Variants in PRDM2 observed in about 807,000 individuals in gnomAD.
PRDM2 encodes the protein PR domain zinc finger protein 2.
Under a neutral mutation model 130.0 loss-of-function variants are expected in PRDM2, and 30 were observed. The ratio of observed to expected loss-of-function variants is 0.23; its 90% CI spans 0.17 to 0.31. PRDM2 has a LOEUF of 0.31. PRDM2 is among the 10% of genes least tolerant of loss of function. The pLI, the probability that PRDM2 is intolerant of heterozygous loss-of-function variation, is 1.00. For synonymous variants in PRDM2, 871 were observed against 782.4 expected (o/e 1.11, Z -1.89); for missense variants, 2,011 against 2,108.4 (o/e 0.95, Z 0.90).
Position 13,814,628 on chromosome 1 carries a change from C to T in PRDM2, c.5037-1799C>T, listed in dbSNP as rs370386057. The stretch of plus-strand genomic sequence containing the variant: ...ACCCCTGGCCTTACCTTCCAGATGC[C>T]GGTAGCAGCACCCTTCCCTCAGGTA... On this transcript the variant is annotated intron_variant, in intron 8 of 9. Transcript: ENST00000311066. Among the ~76,000 whole-genome samples the T allele has an allele frequency of 1.2e-3, 178 of 152,302 alleles. 1 individual carries two copies. Among genetic ancestry groups the T allele is most frequent in the African/African-American group, 3.9e-3 (161 of 41,570 alleles).
At chr1:13,817,486 G>A (rs1645276050) in intron 9 of PRDM2, among the ~76,000 whole-genome samples, 1 of 151,906 alleles carries the variant, frequency 6.6e-6, no homozygotes, top group South Asian at 2.1e-4. Flanking sequence ...TGACCCACGA[G>A]CAGGCTTGGC....
intron 2 of PRDM2, among the ~76,000 whole-genome samples, chr1:13,723,961 A>C (rs1642822083): frequency 6.6e-6 from 1 of 152,218 alleles, no homozygotes; most frequent in South Asian, 2.1e-4. Context: ...AACCAAGCCA[A>C]CCAGGAAGGG....
At chr1:13,772,999 A>T in intron 6 of PRDM2, 79 bp from the exon 7 acceptor site, 1 of 806,708 alleles carries the variant, frequency 1.2e-6, no homozygotes, top group Non-Finnish European at 1.9e-6. Context: ...TCAGTAATTC[A>T]GAATAACACA....
At chr1:13,709,503 T>C (rs1642304895) in intron 1 of PRDM2, among the ~76,000 whole-genome samples, 1 of 152,244 alleles carries the variant, frequency 6.6e-6, no homozygotes, top group African/African-American at 2.4e-5. Flanking sequence ...CAAGAATCTT[T>C]TGGTCAGAGT....
At chr1:13,775,940 C>G (rs562617581) in intron 7 of PRDM2, among the ~76,000 whole-genome samples, 2 of 152,230 alleles carry the variant, frequency 1.3e-5, no homozygotes, top group Non-Finnish European at 1.5e-5. Context: ...TGGCTCCCCA[C>G]TGTCCCCAGA....
At chr1:13,814,344 A>G (rs1645223086) in intron 8 of PRDM2, among the ~76,000 whole-genome samples, 2 of 152,212 alleles carry the variant, frequency 1.3e-5, no homozygotes, top group Non-Finnish European at 2.9e-5. Context: ...AGCGCAGGGG[A>G]GGAATTCAAA....
rs777855167 is a variant in PRDM2, at chr1:13,812,173, C to T, written c.5037-4254C>T. On this transcript the variant is annotated intron_variant, in intron 8 of 9. Coordinates refer to ENST00000311066, the MANE Select transcript of PRDM2 (RefSeq NM_001393986.1). Reference sequence around the variant, plus strand: ...GGTGGTGGGGGGGAGGGTGCAGCGTCGAAGTGGGGACAGTGCAGTGGCAAT... The same window carrying T: ...GGTGGTGGGGGGGAGGGTGCAGCGTTGAAGTGGGGACAGTGCAGTGGCAAT... Among the ~76,000 whole-genome samples, 7 of 151,452 alleles carry T rather than the reference C, an allele frequency of 4.6e-5. No individual in the cohort carries two copies. The East Asian group carries it at 5.8e-4, about 13-fold the overall frequency.
intron 6 of PRDM2, among the ~76,000 whole-genome samples, chr1:13,764,792 C>A (rs1426847371): frequency 6.6e-6 from 1 of 152,142 alleles, no homozygotes; most frequent in East Asian, 1.9e-4. Context: ...GAAGCAAAAC[C>A]TAGAGTTGTG....
intron 4 of PRDM2, among the ~76,000 whole-genome samples, chr1:13,735,307 C>T (rs1643233581): frequency 1.3e-5 from 2 of 152,188 alleles, no homozygotes; most frequent in Admixed American, 6.5e-5. Flanking sequence ...AAGAAGAGAG[C>T]GTTCTTCGAT....
Position 13,779,386 on chromosome 1 carries a change from G to A in PRDM2, c.1591G>A (p.Ala531Thr), listed in dbSNP as rs200111482. ...LEEPQPPAEQ[A>T]QATQNVYVPS... ...AGAGCCCCAGCCTCCAGCAGAACAG[G>A]CCCAGGCCACCCAGAACGTGTATGT... The change falls in exon 8 of 10, where the codon GCC becomes ACC. Residue 531 changes from alanine to threonine, a missense_variant. By Grantham distance (58) the Ala-to-Thr change is moderately conservative (BLOSUM62 0). Around this residue, in one of 5 missense-constraint regions of PRDM2, gnomAD observed 1,288 missense variants for 1,237.7 expected, o/e 1.04. Transcript: ENST00000311066. This position sits in a 1 kb window ranked among gnomAD's most constrained non-coding sequence, Gnocchi z 4.9. The A allele has an allele frequency of 1.9e-6, 3 of 1,614,038 alleles. No homozygotes were observed. Among genetic ancestry groups the A allele is most frequent in the Admixed American group, 1.7e-5 (1 of 60,008 alleles).
chr1:13,729,141 G>A (rs1643019992), intron 2 of PRDM2, among the ~76,000 whole-genome samples: 1 of 152,122 alleles, frequency 6.6e-6, no homozygotes. Context: ...CTGTCTCTTG[G>A]ACTATTTGGA....
Position 13,780,682 on chromosome 1 carries a change from C to T in PRDM2, c.2887C>T (p.Pro963Ser), listed in dbSNP as rs1328686831. 2 of 1,610,462 alleles carry T rather than the reference C, an allele frequency of 1.2e-6. No homozygotes were observed. Among genetic ancestry groups the T allele is most frequent in the African/African-American group, 1.3e-5 (1 of 74,802 alleles). ...TPSLSSGQLP[P>S]LLIPTDPSSP... ...CTCCCTTTCATCCGGTCAGCTGCCT[C>T]CTCTCTTGATCCCCACAGATCCCTC... is the stretch of plus-strand genomic sequence containing the variant. The change falls in exon 8 of 10, where the codon CCT becomes TCT. Residue 963 changes from proline (P) to serine (S), a missense_variant. By Grantham distance (74) the Pro-to-Ser change is moderately conservative. Coordinates refer to ENST00000311066, the MANE Select transcript of PRDM2 (RefSeq NM_001393986.1).
At chr1:13,714,164 C>T (rs367922832) in intron 1 of PRDM2, among the ~76,000 whole-genome samples, 103 of 152,240 alleles carry the variant, frequency 6.8e-4, no homozygotes, top group African/African-American at 1.4e-3. Context: ...CCACTGTGCC[C>T]GGCCCAAAAT....
rs1645047596 is a variant in PRDM2, at chr1:13,803,907, G to A, written c.5037-12520G>A. On this transcript the variant is annotated intron_variant, in intron 8 of 9. Coordinates refer to ENST00000311066, the MANE Select transcript of PRDM2 (RefSeq NM_001393986.1). This position sits in a 1 kb window ranked among gnomAD's most constrained non-coding sequence, Gnocchi z 6.2. Reference sequence around the variant, plus strand: ...AAGCAGGGGCGTGATTGATCTTTTGGGAGCGTGGAGGCCACATTGGGGGCT... The same window carrying A: ...AAGCAGGGGCGTGATTGATCTTTTGAGAGCGTGGAGGCCACATTGGGGGCT... 6.6e-6 allele frequency among the ~76,000 whole-genome samples: 1 copy of A among 152,136 alleles called. No homozygotes were observed.
intron 6 of PRDM2, among the ~76,000 whole-genome samples, chr1:13,760,156 TAAATC>T (rs1165315199): frequency 6.6e-6 from 1 of 152,150 alleles, no homozygotes; most frequent in East Asian, 1.9e-4. Flanking sequence ...CAGAAAATAT[TAAATC>T]AAGAAAAAGT....
intron 1 of PRDM2, among the ~76,000 whole-genome samples, chr1:13,714,026 A>G (rs1376131731): frequency 6.6e-6 from 1 of 151,882 alleles, no homozygotes; most frequent in Non-Finnish European, 1.5e-5. Flanking sequence ...CTGCCACCAC[A>G]CCCAGCTAAT....
In PRDM2 at chr1:13,779,336, G is replaced by A; in HGVS notation, c.1541G>A (p.Gly514Asp). 1 of 1,614,158 alleles carries A rather than the reference G, an allele frequency of 6.2e-7. No individual in the cohort carries two copies. Among genetic ancestry groups the A allele is most frequent in the Non-Finnish European group, 8.5e-7 (1 of 1,180,030 alleles). ...CACGAACGTCATCTGATTCCCAAAG[G>A]TGTACGGCGAAAAGGAGGCCTTGAA... ...RVHERHLIPK[G>D]VRRKGGLEEP... Residue 514 changes from glycine to aspartate, a missense_variant, in exon 8 of 10, where the codon GGT (glycine) becomes GAT (aspartate). By Grantham distance (94) the Gly-to-Asp change is moderately conservative. Coordinates refer to ENST00000311066, the MANE Select transcript of PRDM2 (RefSeq NM_001393986.1). The surrounding 1 kb of genome is among the most constrained non-coding windows in gnomAD (Gnocchi z 4.9).
chr1:13,786,815 C>G, intron 8 of PRDM2: 2 of 1,243,826 alleles, frequency 1.6e-6, no homozygotes, highest in African/African-American at 1.5e-5. Context: ...GGACTGGTAC[C>G]TCAGATCTGA....
chr1:13,723,690 T>G (rs143810485), intron 2 of PRDM2, among the ~76,000 whole-genome samples: 1 of 152,330 alleles, frequency 6.6e-6, no homozygotes, highest in Admixed American at 6.5e-5. Flanking sequence ...TCTGAGGGCT[T>G]TGTTTTCGGC....
Sources: allele counts gnomAD v4.1 joint callset (sites outside exome capture counted in the v4.1 genomes callset), GRCh38; gene constraint gnomAD v4.1.1; regional missense constraint gnomAD v4.1.1; non-coding constraint Gnocchi (gnomAD v3.1); transcripts MANE v1.5; gene names NCBI Gene and HGNC (gene_info 2026-07-23, HGNC 2026-07-21).